NGEF: variants seen among roughly 807,000 people sequenced by gnomAD.
The protein encoded by NGEF is neuronal guanine nucleotide exchange factor, also known as ephexin-1.
NGEF carries 31 observed loss-of-function variants against 80.9 expected under a neutral mutation model. The observed-to-expected ratio is 0.38, with a 90% CI of 0.29 to 0.52. NGEF has a LOEUF of 0.52. Ranked by LOEUF, NGEF falls within the 20% of genes least tolerant of loss-of-function variation. NGEF has a pLI of 0.84. For synonymous variants in NGEF, 371 were observed against 370.2 expected, an observed-to-expected ratio of 1.00 and a Z score of -0.03; for missense variants, 709 against 926.2, an observed-to-expected ratio of 0.77 and a Z score of 3.04.
At chr2:233,007,970 G>A (rs111433837) in intron 1 of NGEF, among the ~76,000 whole-genome samples, 1 of 152,190 alleles carries the variant, frequency 6.6e-6, no homozygotes, top group African/African-American at 2.4e-5. Flanking sequence ...TGGCAGAAAG[G>A]AAGGCTTTCC....
At chr2:232,938,615 C>T (rs747333068) in intron 3 of NGEF, among the ~76,000 whole-genome samples, 2 of 151,660 alleles carry the variant, frequency 1.3e-5, no homozygotes, top group African/African-American at 2.4e-5. Context: ...TACTATAGGC[C>T]GGGTGTGGTG....
At chr2:232,966,174 C>T (rs765016020) in intron 3 of NGEF, among the ~76,000 whole-genome samples, 32 of 152,188 alleles carry the variant, frequency 2.1e-4, no homozygotes, top group Non-Finnish European at 3.7e-4. Context: ...TTCTCCCCAC[C>T]CCCCAGCTGC....
chr2:233,013,133 T>C lies in NGEF; in HGVS notation c.-140A>G, dbSNP rs1187949164. On this transcript the variant is annotated 5_prime_UTR_variant, in exon 1 of 15. Transcript: ENST00000264051. ...AGTGTTCCTCCCTCGTCCCCTGTCC[T>C]GTCCAGGCACCTGCGAGCAGGATGG... 1 of 471,278 alleles carries C rather than the reference T, an allele frequency of 2.1e-6. No homozygotes were observed. 29.2% of individuals were successfully genotyped at this position (471,278 alleles called of 1,614,324 possible).
Position 232,933,866 on chromosome 2 carries a change from C to T in NGEF, c.384-6680G>A, listed in dbSNP as rs6726626. Among the ~76,000 whole-genome samples the T allele has an allele frequency of 1.7e-3, 256 of 152,332 alleles. 1 individual carries two copies. Among genetic ancestry groups the T allele is most frequent in the African/African-American group, 6.0e-3 (248 of 41,566 alleles). ...TGCCTGGCACTGTGATGTTCTGTCA[C>T]GAAGGCATCCTTCCAGGAAGCCATG... On this transcript the variant is annotated intron_variant, in intron 3 of 14. Transcript: ENST00000264051.
intron 3 of NGEF, among the ~76,000 whole-genome samples, chr2:232,940,998 G>A (rs916110382): frequency 2.6e-5 from 4 of 151,620 alleles, no homozygotes; most frequent in South Asian, 2.1e-4. Flanking sequence ...CTGGCTGTGC[G>A]GGAGACCAGA....
At position 232,904,913 on chromosome 2, in the gene NGEF, C is replaced by T. The variant is rs1038059628; in HGVS notation, c.829-9997G>A. 1.0e-3 allele frequency among the ~76,000 whole-genome samples: 152 copies of T among 152,122 alleles called. 3 individuals are homozygous for T. Among genetic ancestry groups the T allele is most frequent in the Non-Finnish European group, 2.8e-4 (19 of 68,018 alleles). ...AGCTGTGATCGCACCACTGCACTCC[C>T]GCCTGGGCCACAGAGTGAGACCTTG... On this transcript the variant is annotated intron_variant, in intron 5 of 14. Transcript: ENST00000264051.
chr2:232,884,242 C>T (rs1691603180), intron 10 of NGEF, 98 bp from the exon 11 acceptor site: 3 of 1,347,456 alleles, frequency 2.2e-6, no homozygotes, highest in Non-Finnish European at 2.9e-6. Flanking sequence ...TGACACCTGC[C>T]CAGGGCCCCG....
chr2:232,917,447 T>A (rs1692828727), intron 5 of NGEF, among the ~76,000 whole-genome samples: 1 of 151,776 alleles, frequency 6.6e-6, no homozygotes, highest in Non-Finnish European at 1.5e-5. Flanking sequence ...CATAGAGGAG[T>A]TACGTATTTA....
intron 5 of NGEF, among the ~76,000 whole-genome samples, chr2:232,906,139 C>T (rs1331664651): frequency 1.5e-4 from 12 of 81,578 alleles, no homozygotes; most frequent in South Asian, 1.1e-3. Context: ...GCCCCCCGCC[C>T]GGCCACCCGC....
intron 3 of NGEF, among the ~76,000 whole-genome samples, chr2:232,958,156 A>G (rs1693870665): frequency 6.6e-6 from 1 of 152,218 alleles, no homozygotes; most frequent in African/African-American, 2.4e-5. Context: ...CAGAGAGGAA[A>G]CTAATTTATG....
Position 232,920,414 on chromosome 2 carries a change from C to T in NGEF, c.698G>A (p.Arg233Lys). The T allele has an allele frequency of 6.2e-7, 1 of 1,614,004 alleles. No individual in the cohort carries two copies. The highest frequency in any genetic ancestry group is 1.3e-5 in the African/African-American group (1 of 75,032). ...CAGGCAGATCTGGGGCAGAGTCTTC[C>T]TCTCTGGTGGGCTGGCCGGCTCCTC... ...EEEEPASPPE[R>K]KTLPQICLLS... Residue 233 changes from arginine to lysine, a missense_variant, in exon 5 of 15, where the codon AGG becomes AAG. Arg to Lys is a conservative substitution (Grantham distance 26). Transcript: ENST00000264051.
chr2:232,983,070 C>T (rs748914229), intron 1 of NGEF, among the ~76,000 whole-genome samples: 3 of 152,204 alleles, frequency 2.0e-5, no homozygotes, highest in Non-Finnish European at 4.4e-5. Flanking sequence ...GTCACCCTGC[C>T]CTGGGGATGG....
chr2:232,974,358 G>C (rs1166937702), intron 2 of NGEF, among the ~76,000 whole-genome samples: 1 of 152,070 alleles, frequency 6.6e-6, no homozygotes, highest in Non-Finnish European at 1.5e-5. Flanking sequence ...GTGTTTTGCT[G>C]AGTTCTAGAA....
chr2:233,012,821 G>T (rs765323945), intron 1 of NGEF: 1 of 470,880 alleles, frequency 2.1e-6, no homozygotes, highest in South Asian at 1.5e-5. Context: ...ATGGAAGAGC[G>T]CCTGGAAGGA....
chr2:232,903,997 A>G (rs901256185), intron 5 of NGEF, among the ~76,000 whole-genome samples: 1 of 152,218 alleles, frequency 6.6e-6, no homozygotes, highest in Non-Finnish European at 1.5e-5. Context: ...ACTGAGCTGC[A>G]TCGCAACTTA....
At chr2:232,882,502 T>G (rs34487721) in intron 12 of NGEF, among the ~76,000 whole-genome samples, 11,688 of 152,310 alleles carry the variant, frequency 0.077, 581 homozygotes, top group East Asian at 0.17. Context: ...TCCCCTGTGA[T>G]GCTTTCAGAA....
Position 232,998,002 on chromosome 2 carries a change from C to A in NGEF, c.-75+15066G>T, listed in dbSNP as rs988984635. Among the ~76,000 whole-genome samples, 5 of 152,184 alleles carry A rather than the reference C, an allele frequency of 3.3e-5. No individual in the cohort carries two copies. In the East Asian group the frequency reaches 9.6e-4, roughly 29 times the overall value. ...GGGGGTGGCTTCTGCCACCTGCAGC[C>A]CCTCTCTGCCCCATGGTTTCTGAGC... On this transcript the variant is annotated intron_variant, in intron 1 of 14. Transcript: ENST00000264051.
chr2:232,897,674 C>T (rs1280256734), intron 5 of NGEF, among the ~76,000 whole-genome samples: 3 of 152,226 alleles, frequency 2.0e-5, no homozygotes, highest in Non-Finnish European at 4.4e-5. Context: ...GACCCCGAAC[C>T]ACCATCAGTA....
rs753397118 is a variant in NGEF at position 232,905,634 on chromosome 2, C to T, written c.829-10718G>A. 55 of 350,718 alleles carry T rather than the reference C, an allele frequency of 1.6e-4. 1 individual carries two copies. Among genetic ancestry groups the T allele is most frequent in the South Asian group, 4.2e-4 (22 of 52,306 alleles). The allele number at this position is 350,718 out of a possible 1,614,324, so 21.7% of individuals were successfully genotyped here. A position where few individuals can be genotyped will look rare whatever the true frequency, so the allele number is the denominator to read the frequency against. On this transcript the variant is annotated intron_variant, in intron 5 of 14. Transcript: ENST00000264051. The stretch of plus-strand genomic sequence containing the variant: ...AAAGTGAGGAGCGTCTCTGCCCGGC[C>T]GCCATCCCACCTGGGAAGTGAGGAG...
Sources: gnomAD v4.1 joint callset for allele counts (sites outside exome capture counted in the v4.1 genomes callset) on GRCh38, gnomAD v4.1.1 for gene constraint, MANE v1.5 for transcripts, NCBI Gene and HGNC (gene_info 2026-07-23, HGNC 2026-07-21) for gene names.